Variants in RC3H2 observed in about 807,000 individuals in gnomAD.
The protein encoded by RC3H2 is roquin-2.
RC3H2 carries 31 observed loss-of-function variants against 133.3 expected under a neutral mutation model. The ratio of observed to expected loss-of-function variants is 0.23; its 90% CI spans 0.17 to 0.31. The LOEUF (loss-of-function observed/expected upper bound fraction) is 0.31, where lower values mean the gene tolerates loss of function less well. Among genes scored for constraint, RC3H2 ranks in the 10% least tolerant of loss-of-function variants. RC3H2 has a pLI of 1.00. For missense variants in RC3H2, 1,175 were observed against 1,437.2 expected (o/e 0.82, Z 2.95); for synonymous variants, 517 against 502.2 (o/e 1.03, Z -0.40).
chr9:122,865,664 C>A lies in RC3H2; in HGVS notation c.1326-7G>T. 1 of 1,601,746 alleles carries A rather than the reference C, an allele frequency of 6.2e-7. No homozygotes were observed. The highest frequency in any genetic ancestry group is 1.1e-5 in the South Asian group (1 of 90,804). ...TTTGTTCCTTAATCGATACCTGTTT[C>A]AAAAACAATCAACAGATTGGTGAAT... On this transcript the variant is annotated splice_region_variant and splice_polypyrimidine_tract_variant and intron_variant, in intron 9 of 20. Transcript: ENST00000357244.
rs375822652 is a variant in RC3H2 at position 122,857,955 on chromosome 9, A to G, written c.2422T>C (p.Ser808Pro). 1 of 1,614,050 alleles carries G rather than the reference A, an allele frequency of 6.2e-7. No individual in the cohort carries two copies. Among genetic ancestry groups the G allele is most frequent in the Non-Finnish European group, 8.5e-7 (1 of 1,179,982 alleles). The change falls in exon 13 of 21, where the codon TCT becomes CCT. Residue 808 changes from serine (S) to proline (P), a missense_variant. Ser to Pro is a moderately conservative substitution (Grantham distance 74). This residue lies in a region of RC3H2 where 490 missense variants were observed against 492.8 expected (regional missense o/e 0.99). Transcript: ENST00000357244. ...PVATQSPTPPSPLFSVDFRAD... is the reference protein window; with the variant it reads ...PVATQSPTPPPPLFSVDFRAD... ...CGAAAGTCTACACTGAACAGAGGAG[A>G]AGGTGGTGTTGGTGACTGTGTTGCC...
chr9:122,897,291 T>C lies in RC3H2; in HGVS notation c.219A>G (p.Leu73=). The change falls in exon 2 of 21, where the codon TTA becomes TTG. Residue 73 remains leucine (L), a synonymous_variant. Transcript: ENST00000357244. ...CTTGAATGCTTACCTGGGCTCCAAC[T>C]AACTGGAGAAGTGCGAAGTTGACAG... ...VLPVNFALLQ[L]VGAQVPDHQS... is the part of the protein sequence containing the mutation. 1 of 1,614,060 alleles carries C rather than the reference T, an allele frequency of 6.2e-7. No homozygotes were observed. Among genetic ancestry groups the C allele is most frequent in the Non-Finnish European group, 8.5e-7 (1 of 1,179,906 alleles).
chr9:122,884,987 G>T (rs1000898279), intron 4 of RC3H2, among the ~76,000 whole-genome samples: 1 of 152,026 alleles, frequency 6.6e-6, no homozygotes, highest in Non-Finnish European at 1.5e-5. Context: ...TGACTAAAAC[G>T]TATAGAAAGT....
intron 9 of RC3H2, chr9:122,875,426 G>A (rs531174477): frequency 6.9e-7 from 1 of 1,452,356 alleles, no homozygotes; most frequent in Non-Finnish European, 9.1e-7. Context: ...TTCTGTAAAG[G>A]GTTTTTATAA....
rs796516352 is a variant in RC3H2 at position 122,897,025 on chromosome 9, A to T, written c.231+254T>A. Among the ~76,000 whole-genome samples, 51 of 60,928 alleles carry T rather than the reference A, an allele frequency of 8.4e-4. 1 individual carries two copies. Among genetic ancestry groups the T allele is most frequent in the African/African-American group, 8.3e-3 (44 of 5,310 alleles). 40.0% of individuals were successfully genotyped at this position (60,928 alleles called of 152,430 possible). A position where few individuals can be genotyped will look rare whatever the true frequency, so the allele number is the denominator to read the frequency against. ...TGGGTGACAGAGTGAGACTCTGTCT[A>T]AAAAAAAAAAAAAAAAAAAAAAAAA... On this transcript the variant is annotated intron_variant, in intron 2 of 20. Coordinates refer to ENST00000357244, the MANE Select transcript of RC3H2 (RefSeq NM_001100588.3).
chr9:122,853,143 C>T (rs1057154834), intron 18 of RC3H2, among the ~76,000 whole-genome samples: 3 of 151,864 alleles, frequency 2.0e-5, no homozygotes, highest in African/African-American at 4.9e-5. Flanking sequence ...GGCTTAAGGG[C>T]GGTGCAAGAT....
intron 18 of RC3H2, among the ~76,000 whole-genome samples, chr9:122,852,297 C>A (rs1830062879): frequency 6.6e-6 from 1 of 151,378 alleles, no homozygotes; most frequent in African/African-American, 2.4e-5. Context: ...GCCTCTCCGC[C>A]CGGCAGCCGC....
Position 122,897,259 on chromosome 9 carries a change from G to A in RC3H2, c.231+20C>T. The A allele has an allele frequency of 6.2e-7, 1 of 1,612,016 alleles. No homozygotes were observed. The highest frequency in any genetic ancestry group is 8.5e-7 in the Non-Finnish European group (1 of 1,178,418). On this transcript the variant is annotated intron_variant, in intron 2 of 20. Transcript: ENST00000357244. The stretch of plus-strand genomic sequence containing the variant: ...GTGATTATTTTTGCACCAACCTATA[G>A]TAAAATCTTGAATGCTTACCTGGGC...
intron 12 of RC3H2, 122 bp from the exon 13 acceptor site, chr9:122,858,215 C>T: frequency 1.2e-6 from 1 of 853,542 alleles, no homozygotes; most frequent in South Asian, 1.8e-5. Context: ...CAGGGAAAGT[C>T]ACCCTAGTCT....
At chr9:122,860,448 C>T (rs1830415758) in intron 10 of RC3H2, among the ~76,000 whole-genome samples, 1 of 149,638 alleles carries the variant, frequency 6.7e-6, no homozygotes, top group Non-Finnish European at 1.5e-5. Context: ...CACTCTGTCA[C>T]CCGGGCTGGA....
At chr9:122,898,970 T>C (rs527608067) in intron 1 of RC3H2, among the ~76,000 whole-genome samples, 9 of 151,842 alleles carry the variant, frequency 5.9e-5, no homozygotes, top group South Asian at 2.1e-4. Context: ...AACCCAAATA[T>C]ATTAGTTCCA....
In RC3H2 at chr9:122,849,755, T is replaced by C. The variant is rs1829949107; in HGVS notation, c.3448A>G (p.Asn1150Asp). 1 of 1,609,342 alleles carries C rather than the reference T, an allele frequency of 6.2e-7. No individual in the cohort carries two copies. The highest frequency in any genetic ancestry group is 1.3e-5 in the African/African-American group (1 of 74,648). ...FSQPLPVSISNASCLPITTSV... is the reference protein window; with the variant it reads ...FSQPLPVSISDASCLPITTSV... ...GTGGTGATGGGGAGGCAACTTGCATTGCTAATAGACACTGGGAGTGGCTGG... is the reference window on the plus strand; with the variant it reads ...GTGGTGATGGGGAGGCAACTTGCATCGCTAATAGACACTGGGAGTGGCTGG... Residue 1150 changes from asparagine (N) to aspartate (D), a missense_variant, in exon 21 of 21, where the codon AAT becomes GAT. Transcript: ENST00000357244.
chr9:122,869,667 A>G (rs971077335), intron 9 of RC3H2, among the ~76,000 whole-genome samples: 2 of 150,618 alleles, frequency 1.3e-5, no homozygotes, highest in Non-Finnish European at 2.9e-5. Context: ...GGTTCAAGCA[A>G]TTCTCCTGCC....
At position 122,899,090 on chromosome 9, in the gene RC3H2, G is replaced by GGTTTTTTTTTTTTTTTTT. The variant is rs1564322863; in HGVS notation, c.-67-1515_-67-1514insAAAAAAAAAAAAAAAAAC. Among the ~76,000 whole-genome samples the GGTTTTTTTTTTTTTTTTT allele has an allele frequency of 9.0e-5, 8 of 88,410 alleles. 4 individuals are homozygous for GGTTTTTTTTTTTTTTTTT. Among genetic ancestry groups the GGTTTTTTTTTTTTTTTTT allele is most frequent in the African/African-American group, 9.6e-5 (2 of 20,762 alleles). The allele number at this position is 88,410 out of a possible 152,430, so 58.0% of individuals were successfully genotyped here. A position where few individuals can be genotyped will look rare whatever the true frequency, so the allele number is the denominator to read the frequency against. On this transcript the variant is annotated intron_variant, in intron 1 of 20. Coordinates refer to ENST00000357244, the MANE Select transcript of RC3H2 (RefSeq NM_001100588.3). ...AAAAAATTCTATTAGCCTTTATTGT[G>GGTTTTTTTTTTTTTTTTT]TTTTTTTTTTTTTTTTTTTTTTTTT... is the stretch of plus-strand genomic sequence containing the variant.
Position 122,859,032 on chromosome 9 carries a change from A to G in RC3H2, c.1920T>C (p.Asn640=), listed in dbSNP as rs1374796065. ...APCVPRFVRS[N]NVPESSLPPA... ...GTGGGAGGGAGGACTCTGGAACGTT[A>G]TTGGACCTCACAAAGCGAGGAACAC... Residue 640 remains asparagine, a synonymous_variant, in exon 12 of 21, where the codon AAT becomes AAC. Coordinates refer to ENST00000357244, the MANE Select transcript of RC3H2 (RefSeq NM_001100588.3). The G allele has an allele frequency of 6.2e-7, 1 of 1,612,368 alleles. No individual in the cohort carries two copies. Among genetic ancestry groups the G allele is most frequent in the East Asian group, 2.2e-5 (1 of 44,838 alleles).
Position 122,851,430 on chromosome 9 carries a change from T to C in RC3H2, c.3124A>G (p.Ser1042Gly). The change falls in exon 19 of 21, where the codon AGT becomes GGT. Residue 1042 changes from serine to glycine, a missense_variant. Physicochemically the swap from Ser to Gly is moderately conservative, Grantham distance 56. This residue lies in a region of RC3H2 where 220 missense variants were observed against 201.1 expected (regional missense o/e 1.09). Transcript: ENST00000357244. ...EIELRNGELQ[S>G]DYTEDATDTK... ...TCTGTTGCATCTTCTGTATAATCACTCTGTAACTAAGAAAAATACTGATTT... is the reference window on the plus strand; with the variant it reads ...TCTGTTGCATCTTCTGTATAATCACCCTGTAACTAAGAAAAATACTGATTT... 6.2e-7 allele frequency: 1 copy of C among 1,613,826 alleles called. No individual in the cohort carries two copies. Among genetic ancestry groups the C allele is most frequent in the Admixed American group, 1.7e-5 (1 of 60,006 alleles).
intron 9 of RC3H2, chr9:122,875,485 T>C: frequency 7.4e-7 from 1 of 1,354,608 alleles, no homozygotes; most frequent in Non-Finnish European, 9.7e-7. Flanking sequence ...TGGCTGTTTT[T>C]TTGCTACAGT....
chr9:122,900,104 T>C (rs1302817737), intron 1 of RC3H2, among the ~76,000 whole-genome samples: 1 of 152,208 alleles, frequency 6.6e-6, no homozygotes, highest in African/African-American at 2.4e-5. Context: ...TATGTTACAA[T>C]AGTCCTTAGT....
At chr9:122,873,554 T>TA (rs1831195908) in intron 9 of RC3H2, among the ~76,000 whole-genome samples, 1 of 151,462 alleles carries the variant, frequency 6.6e-6, no homozygotes, top group South Asian at 2.1e-4. Context: ...ACAAAAAATA[T>TA]AAAAAAAATT....
Sources: allele counts gnomAD v4.1 joint callset (sites outside exome capture counted in the v4.1 genomes callset), GRCh38; gene constraint gnomAD v4.1.1; regional missense constraint gnomAD v4.1.1; transcripts MANE v1.5; gene names NCBI Gene and HGNC (gene_info 2026-07-23, HGNC 2026-07-21).